The following RNF169 variants were observed in gnomAD, a reference collection of about 807,000 sequenced individuals.
RNF169 encodes E3 ubiquitin-protein ligase RNF169.
A neutral mutation model predicts 53.9 loss-of-function variants in RNF169; 24 were observed. That is an observed-to-expected ratio of 0.45 (90% CI 0.32 to 0.63). The LOEUF (loss-of-function observed/expected upper bound fraction) is 0.63. RNF169 is among the 20% of genes least tolerant of loss of function. RNF169 has a pLI of 0.04. For missense variants in RNF169, 883 were observed against 906.2 expected, an observed-to-expected ratio of 0.97 and a Z score of 0.33; for synonymous variants, 396 against 363.5, an observed-to-expected ratio of 1.09 and a Z score of -1.02.
rs1221700257 is a variant in RNF169 at position 74,816,207 on chromosome 11, ACT to A, written c.724-1386_724-1385del. On this transcript the variant is annotated intron_variant, in intron 3 of 5. Transcript: ENST00000299563. ...GATGCCTTGCGTGCCTACATCTACAACTCTTACTTTGATAATCATTTGATCAT... is the reference window on the plus strand; with the variant it reads ...GATGCCTTGCGTGCCTACATCTACAACTTACTTTGATAATCATTTGATCAT... Among the ~76,000 whole-genome samples the A allele has an allele frequency of 5.3e-5, 8 of 152,244 alleles. No individual in the cohort carries two copies. In the East Asian group the frequency reaches 1.5e-3, roughly 29 times the overall value.
rs2036312603 is a variant in RNF169, at chr11:74,839,508, T to A, written c.*2778T>A. 3 of 152,222 alleles carry A rather than the reference T, an allele frequency of 2.0e-5. No homozygotes were observed. Among genetic ancestry groups the A allele is most frequent in the African/African-American group, 7.2e-5 (3 of 41,464 alleles). The allele number at this position is 152,222 out of a possible 1,614,324, so 9.4% of individuals were successfully genotyped here. The stretch of plus-strand genomic sequence containing the variant: ...GAAACAGAACGATGGGAAGGGTTTG[T>A]GAGCTAGAATAAGAGGTGCAGGATT... On this transcript the variant is annotated 3_prime_UTR_variant, in exon 6 of 6. Transcript: ENST00000299563.
At chr11:74,788,179 A>G (rs2035530834) in intron 1 of RNF169, among the ~76,000 whole-genome samples, 2 of 152,200 alleles carry the variant, frequency 1.3e-5, no homozygotes, top group Non-Finnish European at 2.9e-5. Flanking sequence ...AAGTCTGTGT[A>G]ATACAAATTC....
rs1243379589 is a variant in RNF169, at chr11:74,837,144, A to G, written c.*414A>G. The G allele has an allele frequency of 6.3e-6, 1 of 157,690 alleles. No homozygotes were observed. The highest frequency in any genetic ancestry group is 1.4e-5 in the Non-Finnish European group (1 of 71,702). 9.8% of individuals were successfully genotyped at this position (157,690 alleles called of 1,614,324 possible). On this transcript the variant is annotated 3_prime_UTR_variant, in exon 6 of 6. Transcript: ENST00000299563. ...TCCATCTTTTTCAGACAAGTGAACA[A>G]TTTAGTTCCTTGGCAGATCCAAAAT...
At chr11:74,776,791 C>G (rs937424991) in intron 1 of RNF169, among the ~76,000 whole-genome samples, 1 of 152,124 alleles carries the variant, frequency 6.6e-6, no homozygotes, top group Non-Finnish European at 1.5e-5. Context: ...GGAAGAAAAT[C>G]ATTCTGGGAG....
At position 74,834,694 on chromosome 11, in the gene RNF169, G is replaced by A; in HGVS notation, c.861G>A (p.Val287=). 1.2e-6 allele frequency: 2 copies of A among 1,612,414 alleles called. No individual in the cohort carries two copies. The highest frequency in any genetic ancestry group is 1.7e-6 in the Non-Finnish European group (2 of 1,179,336). The change falls in exon 5 of 6, where the codon GTG becomes GTA. Residue 287 remains valine (V), a synonymous_variant. Transcript: ENST00000299563. ...TTTTTAGGAAGCTAAACTCCAAGGT[G>A]GAAAGGAGTCAGAGCTGTAGTGACA... The part of the protein sequence containing the change: ...AFLAGKLNSK[V]ERSQSCSDTA...
In RNF169 at chr11:74,837,377, T is replaced by C. The variant is rs2036273023; in HGVS notation, c.*647T>C. ...TCTCATGTAACTGGCATTAGCCCCA[T>C]TTTTAGATGATGAAACTGCAGTGCA... On this transcript the variant is annotated 3_prime_UTR_variant, in exon 6 of 6. Coordinates refer to ENST00000299563, the MANE Select transcript of RNF169 (RefSeq NM_001098638.2). 6.6e-6 allele frequency: 1 copy of C among 152,290 alleles called. No homozygotes were observed. The highest frequency in any genetic ancestry group is 1.5e-5 in the Non-Finnish European group (1 of 68,080). 9.4% of individuals were successfully genotyped at this position (152,290 alleles called of 1,614,324 possible). A position where few individuals can be genotyped will look rare whatever the true frequency, so the allele number is the denominator to read the frequency against.
intron 2 of RNF169, among the ~76,000 whole-genome samples, chr11:74,791,998 A>C (rs2035586619): frequency 6.6e-6 from 1 of 152,232 alleles, no homozygotes; most frequent in African/African-American, 2.4e-5. Flanking sequence ...TATTTCACTG[A>C]ATGAAAAATC....
At chr11:74,778,583 T>C (rs562251946) in intron 1 of RNF169, among the ~76,000 whole-genome samples, 103 of 152,284 alleles carry the variant, frequency 6.8e-4, no homozygotes, top group Non-Finnish European at 1.3e-3. Flanking sequence ...GGAGTTTTCC[T>C]GGGGGCTTTA....
chr11:74,750,881 T>TTTG (rs2034882228), intron 1 of RNF169, among the ~76,000 whole-genome samples: 3 of 128,652 alleles, frequency 2.3e-5, no homozygotes, highest in African/African-American at 8.9e-5. Context: ...TTTTTTTTTT[T>TTTG]TTTTTTTTTT....
intron 1 of RNF169, among the ~76,000 whole-genome samples, chr11:74,768,231 G>A (rs1304668707): frequency 2.6e-5 from 4 of 152,140 alleles, no homozygotes; most frequent in Non-Finnish European, 5.9e-5. Flanking sequence ...CAAATCACTA[G>A]GGTAAAGGTG....
intron 4 of RNF169, chr11:74,831,978 AC>A (rs1386172101): frequency 6.6e-6 from 1 of 152,226 alleles, no homozygotes; most frequent in Non-Finnish European, 1.5e-5. Flanking sequence ...CCAACCTCAT[AC>A]CACATACAAA....
At chr11:74,797,524 C>T (rs1368207110) in intron 2 of RNF169, among the ~76,000 whole-genome samples, 1 of 152,186 alleles carries the variant, frequency 6.6e-6, no homozygotes, top group Non-Finnish European at 1.5e-5. Context: ...GTTTTAGTCT[C>T]TTTAACTCCA....
At chr11:74,831,108 T>A (rs2036171393) in intron 4 of RNF169, 1 of 152,230 alleles carries the variant, frequency 6.6e-6, no homozygotes, top group African/African-American at 2.4e-5. Context: ...TGATGTCTAC[T>A]GTTGCCACTT....
intron 1 of RNF169, among the ~76,000 whole-genome samples, chr11:74,780,927 G>A (rs2035408034): frequency 6.6e-6 from 1 of 152,170 alleles, no homozygotes; most frequent in South Asian, 2.1e-4. Context: ...AAGGCAACCA[G>A]AACCTGAGGG....
chr11:74,758,076 G>A (rs1396088771), intron 1 of RNF169, among the ~76,000 whole-genome samples: 1 of 66,392 alleles, frequency 1.5e-5, no homozygotes, highest in Non-Finnish European at 2.5e-5. Flanking sequence ...CCTTGCCCAC[G>A]CCTATGTCCT....
At chr11:74,832,190 T>C (rs1486775256) in intron 4 of RNF169, 5 of 152,166 alleles carry the variant, frequency 3.3e-5, no homozygotes, top group South Asian at 2.1e-4. Flanking sequence ...CTTTGCACAG[T>C]TGGTGGTCAG....
intron 1 of RNF169, among the ~76,000 whole-genome samples, chr11:74,777,559 G>A (rs2035354088): frequency 6.6e-6 from 1 of 151,990 alleles, no homozygotes; most frequent in Admixed American, 6.5e-5. Flanking sequence ...CCTTGTTGTT[G>A]GGGCCATTTC....
intron 1 of RNF169, among the ~76,000 whole-genome samples, chr11:74,760,493 A>G (rs1409541947): frequency 1.3e-5 from 2 of 151,934 alleles, no homozygotes; most frequent in South Asian, 2.1e-4. Context: ...TGCGTCCCAG[A>G]GATTCTGGTA....
chr11:74,826,677 G>A (rs2036102265), intron 4 of RNF169, among the ~76,000 whole-genome samples: 1 of 152,230 alleles, frequency 6.6e-6, no homozygotes, highest in Admixed American at 6.5e-5. Context: ...TATAGGCATT[G>A]GGTAAATACA....
Sources: allele counts gnomAD v4.1 joint callset (sites outside exome capture counted in the v4.1 genomes callset), GRCh38; gene constraint gnomAD v4.1.1; transcripts MANE v1.5; gene names NCBI Gene and HGNC (gene_info 2026-07-23, HGNC 2026-07-21).